The following PANX1 variants were observed in gnomAD, a reference collection of about 807,000 sequenced individuals.
The protein encoded by PANX1 is pannexin-1.
In PANX1, 30 loss-of-function variants were observed where a neutral mutation model predicts 38.7. That is an observed-to-expected ratio of 0.78 (90% CI 0.58 to 1.05). PANX1 has a LOEUF of 1.05. PANX1 is among the 50% of genes least tolerant of loss of function. The probability of loss-of-function intolerance (pLI) is 0.00; values close to 1 mark genes in which losing one functional copy is unlikely to be tolerated. For missense variants in PANX1, 551 were observed against 517.2 expected, an observed-to-expected ratio of 1.07 and a Z score of -0.63; for synonymous variants, 230 against 212.2, an observed-to-expected ratio of 1.08 and a Z score of -0.73.
intron 2 of PANX1, among the ~76,000 whole-genome samples, chr11:94,169,270 A>G (rs1947137080): frequency 6.6e-6 from 1 of 151,614 alleles, no homozygotes; most frequent in South Asian, 2.1e-4. Context: ...CAGAGGAGAC[A>G]CAGAGAGGTG....
Position 94,144,660 on chromosome 11 carries a change from C to T in PANX1, c.182-8831C>T, listed in dbSNP as rs757910913. Among the ~76,000 whole-genome samples the T allele has an allele frequency of 3.5e-4, 53 of 152,118 alleles. 1 individual carries two copies. The highest frequency in any genetic ancestry group is 2.4e-3 in the Admixed American group (36 of 15,262). On this transcript the variant is annotated intron_variant, in intron 1 of 4. Transcript: ENST00000227638. ...CCCTTTCTTGCTGCTGCTTGTGTTA[C>T]GGGCTGGCCTGGCATTCCACAGTGC...
intron 1 of PANX1, among the ~76,000 whole-genome samples, chr11:94,144,447 C>T (rs960846324): frequency 2.0e-5 from 3 of 152,104 alleles, no homozygotes; most frequent in African/African-American, 4.8e-5. Flanking sequence ...GTGAACTCCA[C>T]CTGGTGCCCA....
chr11:94,181,037 A>T lies in PANX1; in HGVS notation c.*168A>T. 3 of 595,680 alleles carry T rather than the reference A, an allele frequency of 5.0e-6. No individual in the cohort carries two copies. Among genetic ancestry groups the T allele is most frequent in the East Asian group, 5.6e-5 (2 of 35,952 alleles). 36.9% of individuals were successfully genotyped at this position (595,680 alleles called of 1,614,324 possible). ...TGGAAATGGTGATCAACAAAAGGTT[A>T]TGGAAGAATGGTTTATGAACTTCCC... On this transcript the variant is annotated 3_prime_UTR_variant, in exon 5 of 5. Transcript: ENST00000227638.
At chr11:94,159,885 A>G (rs914746359) in intron 2 of PANX1, among the ~76,000 whole-genome samples, 1 of 151,062 alleles carries the variant, frequency 6.6e-6, no homozygotes, top group African/African-American at 2.4e-5. Flanking sequence ...ATTTCCCTCT[A>G]TACACTGCTT....
At chr11:94,179,085 A>G (rs749093095) in intron 3 of PANX1, among the ~76,000 whole-genome samples, 12 of 152,182 alleles carry the variant, frequency 7.9e-5, no homozygotes, top group Non-Finnish European at 1.5e-4. Flanking sequence ...TGAATATTTA[A>G]TATATCTCAC....
Position 94,129,230 on chromosome 11 carries a change from C to T in PANX1, c.-83C>T, listed in dbSNP as rs1379221306. On this transcript the variant is annotated 5_prime_UTR_variant, in exon 1 of 5. Transcript: ENST00000227638. Reference sequence around the variant, plus strand: ...GGAAAGCGAAAGCCGCGCGCCCGGCCGGTGACTGGGTGAAGGCGCCGCGCA... The same window carrying T: ...GGAAAGCGAAAGCCGCGCGCCCGGCTGGTGACTGGGTGAAGGCGCCGCGCA... 3 of 1,239,508 alleles carry T rather than the reference C, an allele frequency of 2.4e-6. No individual in the cohort carries two copies. Among genetic ancestry groups the T allele is most frequent in the Admixed American group, 4.5e-5 (2 of 44,030 alleles). 76.8% of individuals were successfully genotyped at this position (1,239,508 alleles called of 1,614,324 possible). A position where few individuals can be genotyped will look rare whatever the true frequency, so the allele number is the denominator to read the frequency against.
chr11:94,134,491 G>A (rs900862085), intron 1 of PANX1, among the ~76,000 whole-genome samples: 15 of 152,154 alleles, frequency 9.9e-5, no homozygotes, highest in African/African-American at 3.4e-4. Context: ...TCTCCCAACC[G>A]CAAAATTCAT....
chr11:94,150,577 C>T (rs999361280), intron 1 of PANX1, among the ~76,000 whole-genome samples: 4 of 152,150 alleles, frequency 2.6e-5, no homozygotes, highest in Non-Finnish European at 4.4e-5. Context: ...CACCCTGACC[C>T]CTTGCCTTTA....
intron 1 of PANX1, among the ~76,000 whole-genome samples, chr11:94,133,762 A>G (rs893155809): frequency 1.3e-5 from 2 of 152,150 alleles, no homozygotes; most frequent in Admixed American, 1.3e-4. Context: ...AGAAGGGAGA[A>G]TCAGTGGTTT....
At chr11:94,153,353 T>A in intron 1 of PANX1, 138 bp from the exon 2 acceptor site, 1 of 811,562 alleles carries the variant, frequency 1.2e-6, no homozygotes, top group South Asian at 1.9e-5. Flanking sequence ...CTTGGGTGTT[T>A]GTTTTTAGTT....
At chr11:94,155,420 A>G (rs919056261) in intron 2 of PANX1, among the ~76,000 whole-genome samples, 2 of 151,720 alleles carry the variant, frequency 1.3e-5, no homozygotes, top group African/African-American at 2.4e-5. Flanking sequence ...AGGCTGAGGC[A>G]GGAGAATCAC....
intron 3 of PANX1, among the ~76,000 whole-genome samples, chr11:94,178,910 T>G (rs1947269213): frequency 6.6e-6 from 1 of 152,154 alleles, no homozygotes; most frequent in African/African-American, 2.4e-5. Context: ...CTTGCTTGCT[T>G]TGATCTATTT....
At chr11:94,171,926 G>C (rs1223438210) in intron 2 of PANX1, among the ~76,000 whole-genome samples, 2 of 148,816 alleles carry the variant, frequency 1.3e-5, no homozygotes, top group African/African-American at 5.0e-5. Flanking sequence ...TCCTTTGAGT[G>C]TTCTGTTCCC....
At chr11:94,142,541 G>A (rs1008194039) in intron 1 of PANX1, among the ~76,000 whole-genome samples, 1 of 152,150 alleles carries the variant, frequency 6.6e-6, no homozygotes, top group Non-Finnish European at 1.5e-5. Context: ...TTCTTGCGCT[G>A]TTTTCCAAGC....
chr11:94,168,279 T>C lies in PANX1; in HGVS notation c.322-10090T>C, dbSNP rs368727812. On this transcript the variant is annotated intron_variant, in intron 2 of 4. Transcript: ENST00000227638. ...CCTGTTGGGGGCATTGGGGCCTTGATTAACTATGATGCAGGGTAGGCTAGG... is the reference window on the plus strand; with the variant it reads ...CCTGTTGGGGGCATTGGGGCCTTGACTAACTATGATGCAGGGTAGGCTAGG... 4.6e-5 allele frequency among the ~76,000 whole-genome samples: 7 copies of C among 152,226 alleles called. No homozygotes were observed. The East Asian group carries it at 9.7e-4, about 21-fold the overall frequency.
chr11:94,168,381 G>T (rs376475639), intron 2 of PANX1, among the ~76,000 whole-genome samples: 1 of 151,914 alleles, frequency 6.6e-6, no homozygotes, highest in East Asian at 1.9e-4. Context: ...AGGTACCTGA[G>T]CAGGGTGAAC....
intron 2 of PANX1, among the ~76,000 whole-genome samples, chr11:94,160,348 T>C (rs533781124): frequency 6.6e-6 from 1 of 151,846 alleles, no homozygotes; most frequent in East Asian, 1.9e-4. Flanking sequence ...CCCATTATTA[T>C]TGTGGGAGTC....
rs763925874 is a variant in PANX1, at chr11:94,178,425, C to T, written c.378C>T (p.Phe126=). Reference sequence around the variant, plus strand: ...TCCTCCTGTACCTGCCCCCGCTGTTCTGGCGTTTCGCAGCTGCTCCTCATA... The same window carrying T: ...TCCTCCTGTACCTGCCCCCGCTGTTTTGGCGTTTCGCAGCTGCTCCTCATA... The part of the protein sequence containing the change: ...FAILLYLPPL[F]WRFAAAPHIC... The change falls in exon 3 of 5, where the codon TTC becomes TTT. Residue 126 remains phenylalanine (F), a synonymous_variant. Transcript: ENST00000227638. 1.2e-6 allele frequency: 2 copies of T among 1,614,000 alleles called. No homozygotes were observed. The highest frequency in any genetic ancestry group is 1.7e-6 in the Non-Finnish European group (2 of 1,180,004).
At position 94,138,383 on chromosome 11, in the gene PANX1, G is replaced by C. The variant is rs190604516; in HGVS notation, c.181+8890G>C. Among the ~76,000 whole-genome samples the C allele has an allele frequency of 1.8e-3, 268 of 152,030 alleles. 2 individuals carry two copies. The highest frequency in any genetic ancestry group is 3.0e-3 in the Non-Finnish European group (205 of 67,968). ...TTGCTTATTTTTCCAAGGGGATGTT[G>C]GTTTCTCAATGGGTTTTATTAACTA... On this transcript the variant is annotated intron_variant, in intron 1 of 4. Coordinates refer to ENST00000227638, the MANE Select transcript of PANX1 (RefSeq NM_015368.4).
Sources: allele counts gnomAD v4.1 joint callset (sites outside exome capture counted in the v4.1 genomes callset), GRCh38; gene constraint gnomAD v4.1.1; transcripts MANE v1.5; gene names NCBI Gene and HGNC (gene_info 2026-07-23, HGNC 2026-07-21).